TPD52L3: variants seen among roughly 807,000 people sequenced by gnomAD.
TPD52L3 encodes tumor protein D55.
A neutral mutation model predicts 8.7 loss-of-function variants in TPD52L3; 12 were observed. That is an observed-to-expected ratio of 1.38 (90% CI 0.89 to 2.24). TPD52L3 has a LOEUF of 2.24. TPD52L3 is among the 30% of genes most tolerant of loss of function. The pLI, the probability that TPD52L3 is intolerant of heterozygous loss-of-function variation, is 0.00. For missense variants in TPD52L3, 207 were observed against 158.7 expected, an observed-to-expected ratio of 1.30 and a Z score of -1.64; for synonymous variants, 79 against 66.8, an observed-to-expected ratio of 1.18 and a Z score of -0.89.
At chr9:6,329,392 G>A in intron 1 of TPD52L3, 1 of 1,067,064 alleles carries the variant, frequency 9.4e-7, no homozygotes, top group Non-Finnish European at 1.1e-6. Context: ...TAAGTTTGTA[G>A]ACGAAATGTG....
At chr9:6,329,430 A>T in intron 1 of TPD52L3, 1 of 1,046,264 alleles carries the variant, frequency 9.6e-7, no homozygotes, top group Non-Finnish European at 1.2e-6. Flanking sequence ...CTGAGACTGT[A>T]TCTAATGGGC....
intron 1 of TPD52L3, chr9:6,329,437 G>T: frequency 1.3e-5 from 14 of 1,039,072 alleles, no homozygotes; most frequent in Non-Finnish European, 1.6e-5. Flanking sequence ...TGTATCTAAT[G>T]GGCAAGTCAG....
At chr9:6,330,362 CACA>C in intron 1 of TPD52L3, 1 of 1,460,262 alleles carries the variant, frequency 6.8e-7, no homozygotes, top group Non-Finnish European at 9.0e-7. Flanking sequence ...CTCCTCTAGA[CACA>C]CTGCCTGAGA....
In TPD52L3 at chr9:6,328,630, C is replaced by T. The variant is rs373494234; in HGVS notation, c.35C>T (p.Thr12Ile). The T allele has an allele frequency of 2.5e-6, 4 of 1,613,940 alleles. No homozygotes were observed. Among genetic ancestry groups the T allele is most frequent in the Non-Finnish European group, 3.4e-6 (4 of 1,180,050 alleles). Reference protein sequence around the residue: ...PHARTETSVGTYESHSTSELE... With the variant: ...PHARTETSVGIYESHSTSELE... ...GCCAGGACAGAGACCTCTGTGGGCACATATGAATCCCACTCGACTTCTGAA... is the reference window on the plus strand; with the variant it reads ...GCCAGGACAGAGACCTCTGTGGGCATATATGAATCCCACTCGACTTCTGAA... Residue 12 changes from threonine (T) to isoleucine (I), a missense_variant, in exon 1 of 2, where the codon ACA becomes ATA. Thr to Ile is a moderately conservative substitution (Grantham distance 89). Coordinates refer to ENST00000314556, the MANE Select transcript of TPD52L3 (RefSeq NM_001001874.3).
Position 6,331,063 on chromosome 9 carries a change from C to G in TPD52L3, c.*44C>G, listed in dbSNP as rs747973523. The G allele has an allele frequency of 6.3e-7, 1 of 1,579,410 alleles. No homozygotes were observed. The highest frequency in any genetic ancestry group is 1.8e-5 in the Admixed American group (1 of 55,722). ...TCAAATATGGAATCCAAGAGACTAT[C>G]AACAACATGAACTTGTTCACAAGTT... is the stretch of plus-strand genomic sequence containing the variant. On this transcript the variant is annotated 3_prime_UTR_variant, in exon 2 of 2. Coordinates refer to ENST00000314556, the MANE Select transcript of TPD52L3 (RefSeq NM_001001874.3).
rs1225645342 is a variant in TPD52L3 at position 6,329,866 on chromosome 9, G to C, written c.367+904G>C. Reference sequence around the variant, plus strand: ...CAAACTGAAATTGCAACTTTGCCTTGTGCTTTGTTTATAATTTCTTTATAT... The same window carrying C: ...CAAACTGAAATTGCAACTTTGCCTTCTGCTTTGTTTATAATTTCTTTATAT... On this transcript the variant is annotated intron_variant, in intron 1 of 1. Transcript: ENST00000314556. The C allele has an allele frequency of 2.5e-6, 3 of 1,183,742 alleles. No individual in the cohort carries two copies. In the South Asian group the frequency reaches 1.1e-4, roughly 42 times the overall value. 73.3% of individuals were successfully genotyped at this position (1,183,742 alleles called of 1,614,324 possible). A position where few individuals can be genotyped will look rare whatever the true frequency, so the allele number is the denominator to read the frequency against.
Position 6,328,747 on chromosome 9 carries a change from C to G in TPD52L3, c.152C>G (p.Ala51Gly). 4 of 1,614,198 alleles carry G rather than the reference C, an allele frequency of 2.5e-6. No homozygotes were observed. The South Asian group carries it at 4.4e-5, about 18-fold the overall frequency. The change falls in exon 1 of 2, where the codon GCA becomes GGA. Residue 51 changes from alanine (A) to glycine (G), a missense_variant. Ala to Gly is a moderately conservative substitution (Grantham distance 60). Coordinates refer to ENST00000314556, the MANE Select transcript of TPD52L3 (RefSeq NM_001001874.3). ...ATTGTAACCCTACGCCACGTACTAG[C>G]AGCCAAAGAGAGACGCTGTGGGGAA... ...AEIVTLRHVL[A>G]AKERRCGELK...
At chr9:6,329,723 T>C (rs1490929593) in intron 1 of TPD52L3, 5 of 1,003,122 alleles carry the variant, frequency 5.0e-6, no homozygotes, top group Non-Finnish European at 6.0e-6. Context: ...GGGAAAATAG[T>C]GGTAGTGCAC....
In TPD52L3 at chr9:6,328,617, A is replaced by G; in HGVS notation, c.22A>G (p.Thr8Ala). The change falls in exon 1 of 2, where the codon ACC (threonine) becomes GCC (alanine). Residue 8 changes from threonine (T) to alanine (A), a missense_variant. Coordinates refer to ENST00000314556, the MANE Select transcript of TPD52L3 (RefSeq NM_001001874.3). MPHARTE[T>A]SVGTYESHST... The stretch of plus-strand genomic sequence containing the variant: ...GTCCATGCCACATGCCAGGACAGAG[A>G]CCTCTGTGGGCACATATGAATCCCA... 1 of 1,613,772 alleles carries G rather than the reference A, an allele frequency of 6.2e-7. No individual in the cohort carries two copies. Among genetic ancestry groups the G allele is most frequent in the Non-Finnish European group, 8.5e-7 (1 of 1,180,000 alleles).
Position 6,328,764 on chromosome 9 carries a change from T to C in TPD52L3, c.169T>C (p.Cys57Arg), listed in dbSNP as rs1159372197. Residue 57 changes from cysteine to arginine, a missense_variant, in exon 1 of 2, where the codon TGT becomes CGT. By Grantham distance (180) the Cys-to-Arg change is radical (BLOSUM62 -3). Coordinates refer to ENST00000314556, the MANE Select transcript of TPD52L3 (RefSeq NM_001001874.3). The stretch of plus-strand genomic sequence containing the variant: ...CGTACTAGCAGCCAAAGAGAGACGC[T>C]GTGGGGAACTCAAGAGGAAGTTAGG... The part of the protein sequence containing the change: ...RHVLAAKERR[C>R]GELKRKLGLT... The C allele has an allele frequency of 8.1e-6, 13 of 1,614,002 alleles. No homozygotes were observed. Among genetic ancestry groups the C allele is most frequent in the Non-Finnish European group, 1.1e-5 (13 of 1,180,036 alleles).
chr9:6,328,476 C>A lies in TPD52L3; in HGVS notation c.-120C>A. ...TGACTCCACCTGCCAAGAGTCTGAG[C>A]CTGCAGGCCTAGATTTCGACTCTGC... On this transcript the variant is annotated 5_prime_UTR_variant, in exon 1 of 2. Transcript: ENST00000314556. 8.1e-7 allele frequency: 1 copy of A among 1,239,562 alleles called. No individual in the cohort carries two copies. Among genetic ancestry groups the A allele is most frequent in the South Asian group, 1.5e-5 (1 of 68,732 alleles). 76.8% of individuals were successfully genotyped at this position (1,239,562 alleles called of 1,614,324 possible).
intron 1 of TPD52L3, 150 bp downstream of exon 1, chr9:6,329,112 A>G (rs1213951932): frequency 6.5e-7 from 1 of 1,529,048 alleles, no homozygotes; most frequent in Non-Finnish European, 8.8e-7. Context: ...GGAATGAGCC[A>G]CTCCCAGTTC....
intron 1 of TPD52L3, chr9:6,330,272 A>G (rs139899809): frequency 3.8e-6 from 6 of 1,586,042 alleles, no homozygotes; most frequent in Middle Eastern, 1.7e-4. Flanking sequence ...ATTTTCTGAT[A>G]TCTGATTTTC....
At chr9:6,329,951 C>G in intron 1 of TPD52L3, 1 of 1,313,764 alleles carries the variant, frequency 7.6e-7, no homozygotes, top group Non-Finnish European at 9.7e-7. Context: ...CATAGCAGCA[C>G]TTCACTTAAA....
At position 6,331,504 on chromosome 9, in the gene TPD52L3, G is replaced by A. The variant is rs1818149451; in HGVS notation, c.*485G>A. The A allele has an allele frequency of 6.6e-6, 1 of 152,614 alleles. No homozygotes were observed. The highest frequency in any genetic ancestry group is 2.1e-4 in the South Asian group (1 of 4,834). The allele number at this position is 152,614 out of a possible 1,614,324, so 9.5% of individuals were successfully genotyped here. A position where few individuals can be genotyped will look rare whatever the true frequency, so the allele number is the denominator to read the frequency against. On this transcript the variant is annotated 3_prime_UTR_variant, in exon 2 of 2. Coordinates refer to ENST00000314556, the MANE Select transcript of TPD52L3 (RefSeq NM_001001874.3). ...GGGAAATGGTGTTACATGAGTGAGGGAGGGGAAATGGTGTTACGTGAGTAA... is the reference window on the plus strand; with the variant it reads ...GGGAAATGGTGTTACATGAGTGAGGAAGGGGAAATGGTGTTACGTGAGTAA...
At chr9:6,330,281 T>C (rs1016916590) in intron 1 of TPD52L3, 2 of 1,585,122 alleles carry the variant, frequency 1.3e-6, no homozygotes, top group African/African-American at 2.7e-5. Context: ...TATCTGATTT[T>C]CACACGAATA....
intron 1 of TPD52L3, chr9:6,329,381 T>C: frequency 4.7e-6 from 5 of 1,071,786 alleles, no homozygotes; most frequent in Non-Finnish European, 5.7e-6. Flanking sequence ...TATTTTTCAC[T>C]TAAGTTTGTA....
chr9:6,329,047 G>C, intron 1 of TPD52L3, 85 bp downstream of exon 1: 3 of 1,603,598 alleles, frequency 1.9e-6, no homozygotes, highest in Non-Finnish European at 2.6e-6. Flanking sequence ...GGGTGGGGTT[G>C]ATCTGCTCTC....
At chr9:6,329,992 C>G (rs1818114758) in intron 1 of TPD52L3, 1 of 1,328,742 alleles carries the variant, frequency 7.5e-7, no homozygotes, top group Non-Finnish European at 9.7e-7. Flanking sequence ...GCAGCAATTC[C>G]TAGTTAGTTA....
Sources: allele counts gnomAD v4.1 joint callset, GRCh38; gene constraint gnomAD v4.1.1; transcripts MANE v1.5; gene names NCBI Gene and HGNC (gene_info 2026-07-23, HGNC 2026-07-21).